SOX6: variants seen among roughly 807,000 people sequenced by gnomAD.
SOX6 encodes SRY-box transcription factor 6, also known as transcription factor SOX-6.
In SOX6, 11 loss-of-function variants were observed where a neutral mutation model predicts 97.8. The observed-to-expected ratio is 0.11, with a 90% CI of 0.07 to 0.19. The LOEUF is 0.19. Ranked by LOEUF, SOX6 falls within the 10% of genes least tolerant of loss-of-function variation. SOX6 has a pLI of 1.00. For synonymous variants in SOX6, 360 were observed against 371.4 expected, an observed-to-expected ratio of 0.97 and a Z score of 0.35; for missense variants, 810 against 1,039.5, an observed-to-expected ratio of 0.78 and a Z score of 3.04.
At chr11:16,728,064 C>T (rs1251888042) in intron 2 of SOX6, among the ~76,000 whole-genome samples, 3 of 152,138 alleles carry the variant, frequency 2.0e-5, no homozygotes, top group East Asian at 1.9e-4. Flanking sequence ...CAGGGCATTT[C>T]TAAAAGAAAG....
At chr11:16,252,449 T>C (rs532481902) in intron 3 of SOX6, 2 of 152,302 alleles carry the variant, frequency 1.3e-5, no homozygotes, top group South Asian at 4.1e-4. Flanking sequence ...ATCTACGAAC[T>C]GCTGGATGCT....
intron 4 of SOX6, among the ~76,000 whole-genome samples, chr11:16,226,740 C>T (rs1175156585): frequency 3.0e-5 from 1 of 33,010 alleles, no homozygotes; most frequent in African/African-American, 7.1e-5. Flanking sequence ...TATTTCTTCA[C>T]CCCTGTCTCT....
At chr11:15,990,839 G>T (rs1028353771) in intron 13 of SOX6, among the ~76,000 whole-genome samples, 6 of 152,146 alleles carry the variant, frequency 3.9e-5, no homozygotes, top group African/African-American at 1.4e-4. Context: ...AATCCTTTCT[G>T]CTCAGTGAAG....
chr11:16,731,036 A>T (rs1387338196), intron 2 of SOX6, among the ~76,000 whole-genome samples: 2 of 152,220 alleles, frequency 1.3e-5, no homozygotes, highest in African/African-American at 4.8e-5. Flanking sequence ...CATCCTCCCA[A>T]GACTAAACCA....
chr11:16,335,089 T>C (rs934743053), intron 2 of SOX6, among the ~76,000 whole-genome samples: 6 of 152,170 alleles, frequency 3.9e-5, no homozygotes, highest in African/African-American at 1.4e-4. Flanking sequence ...TATTTTTTAG[T>C]TCAAATACTA....
chr11:16,053,585 G>C (rs1159943120), intron 10 of SOX6, among the ~76,000 whole-genome samples: 1 of 152,082 alleles, frequency 6.6e-6, no homozygotes. Flanking sequence ...AAAGTAGAAA[G>C]ACACTAAGTG....
chr11:16,383,073 T>C (rs1857876836), intron 1 of SOX6, among the ~76,000 whole-genome samples: 1 of 151,962 alleles, frequency 6.6e-6, no homozygotes, highest in South Asian at 2.1e-4. Flanking sequence ...TATAGGAAAT[T>C]TAGCAAAGAA....
chr11:16,692,147 C>T (rs1442411939), intron 3 of SOX6, among the ~76,000 whole-genome samples: 4 of 151,804 alleles, frequency 2.6e-5, no homozygotes, highest in African/African-American at 9.7e-5. Context: ...GATCTCGGCT[C>T]ACTGCAACCT....
At chr11:16,097,991 A>T (rs1035032379) in intron 7 of SOX6, among the ~76,000 whole-genome samples, 4 of 151,982 alleles carry the variant, frequency 2.6e-5, no homozygotes, top group African/African-American at 9.6e-5. Context: ...GAGTAAAAAA[A>T]TATCTTTAAG....
At chr11:16,357,549 GA>G (rs986415269), upstream of SOX6, among the ~76,000 whole-genome samples, 8 of 151,994 alleles carry the variant, frequency 5.3e-5, no homozygotes, top group Non-Finnish European at 8.8e-5. Flanking sequence ...ATGCTTTAAA[GA>G]ATAAAAAAGA....
chr11:16,267,022 A>G (rs183967073), intron 3 of SOX6, among the ~76,000 whole-genome samples: 4 of 151,394 alleles, frequency 2.6e-5, no homozygotes, highest in Admixed American at 2.0e-4. Context: ...CTTATTTTAT[A>G]CCACATACAA....
chr11:16,534,156 A>T (rs1466619520), intron 4 of SOX6, among the ~76,000 whole-genome samples: 2 of 152,144 alleles, frequency 1.3e-5, no homozygotes, highest in Non-Finnish European at 2.9e-5. Flanking sequence ...ATTCATTCAA[A>T]TTCTTATTCA....
chr11:16,203,926 T>G (rs986811723), intron 4 of SOX6, among the ~76,000 whole-genome samples: 13 of 152,094 alleles, frequency 8.5e-5, no homozygotes, highest in African/African-American at 3.1e-4. Flanking sequence ...GCTTCTCATC[T>G]TAACCTATTT....
chr11:16,072,928 C>G (rs532497666), intron 9 of SOX6, among the ~76,000 whole-genome samples: 3 of 152,168 alleles, frequency 2.0e-5, no homozygotes, highest in African/African-American at 7.2e-5. Context: ...ACCTGCCTTA[C>G]AAGAGGCCCT....
intron 3 of SOX6, among the ~76,000 whole-genome samples, chr11:16,270,921 T>C (rs1299454758): frequency 6.6e-6 from 1 of 151,296 alleles, no homozygotes; most frequent in African/African-American, 2.4e-5. Context: ...TTTAGGGTAA[T>C]GAAAGAGTTT....
At chr11:16,247,435 G>T (rs1186297469) in intron 3 of SOX6, among the ~76,000 whole-genome samples, 2 of 152,106 alleles carry the variant, frequency 1.3e-5, no homozygotes, top group Non-Finnish European at 2.9e-5. Context: ...TCATGCTGCT[G>T]TAAAGAACTG....
At chr11:16,320,002 A>C (rs1005940085) in intron 2 of SOX6, among the ~76,000 whole-genome samples, 5 of 152,154 alleles carry the variant, frequency 3.3e-5, no homozygotes, top group African/African-American at 1.2e-4. Context: ...GGATCAGCTG[A>C]AAAGGAAAAA....
At chr11:16,737,952 C>T (rs932716580) in intron 1 of SOX6, among the ~76,000 whole-genome samples, 9 of 151,760 alleles carry the variant, frequency 5.9e-5, no homozygotes, top group African/African-American at 2.2e-4. Flanking sequence ...ATGGACTTTG[C>T]TTGGTGAAGG....
intron 2 of SOX6, among the ~76,000 whole-genome samples, chr11:16,719,584 A>G (rs973808031): frequency 1.3e-5 from 2 of 152,338 alleles, no homozygotes; most frequent in African/African-American, 4.8e-5. Context: ...ACCTTGATAT[A>G]ATCAAGGCAT....
Sources: allele counts gnomAD v4.1 joint callset (sites outside exome capture counted in the v4.1 genomes callset), GRCh38; gene constraint gnomAD v4.1.1; transcripts MANE v1.5; gene names NCBI Gene and HGNC (gene_info 2026-07-23, HGNC 2026-07-21).